Variants in NDUFA10 observed in about 807,000 individuals in gnomAD.
The protein encoded by NDUFA10 is NADH:ubiquinone oxidoreductase subunit A10, also known as NADH dehydrogenase [ubiquinone] 1 alpha subcomplex subunit 10, mitochondrial.
In NDUFA10, 40 loss-of-function variants were observed where a neutral mutation model predicts 47.8. That is an observed-to-expected ratio of 0.84 (90% CI 0.65 to 1.09). The LOEUF is 1.09. Ranked by LOEUF, NDUFA10 falls within the 50% of genes least tolerant of loss-of-function variation. NDUFA10 has a pLI of 0.00. For missense variants in NDUFA10, 413 were observed against 451.1 expected (o/e 0.92, Z 0.76); for synonymous variants, 183 against 172.2 (o/e 1.06, Z -0.49).
intron 9 of NDUFA10, among the ~76,000 whole-genome samples, chr2:239,982,872 T>G (rs753449394): frequency 3.9e-5 from 6 of 152,228 alleles, no homozygotes; most frequent in Non-Finnish European, 5.9e-5. Flanking sequence ...CCGCTCAGCA[T>G]CTGATGGAAA....
chr2:239,979,449 T>TC (rs1695679989), intron 9 of NDUFA10, among the ~76,000 whole-genome samples: 1 of 151,948 alleles, frequency 6.6e-6, no homozygotes, highest in Non-Finnish European at 1.5e-5. Flanking sequence ...AGCAGCCCGC[T>TC]CCCCACCCTG....
chr2:239,927,889 C>T (rs1486544683), intron 4 of NDUFA10, among the ~76,000 whole-genome samples: 1 of 152,186 alleles, frequency 6.6e-6, no homozygotes, highest in African/African-American at 2.4e-5. Context: ...GGCTGGTGGG[C>T]CCATCACTGT....
chr2:239,967,733 C>A (rs1056271169), intron 9 of NDUFA10, among the ~76,000 whole-genome samples: 1 of 152,166 alleles, frequency 6.6e-6, no homozygotes, highest in Non-Finnish European at 1.5e-5. Flanking sequence ...CTGAAACGTG[C>A]TGTTCTTTGA....
At chr2:240,009,978 C>T (rs1178265261) in intron 6 of NDUFA10, among the ~76,000 whole-genome samples, 3 of 152,268 alleles carry the variant, frequency 2.0e-5, no homozygotes, top group East Asian at 3.9e-4. Flanking sequence ...AAATACAACT[C>T]GTCATAGGTT....
intron 4 of NDUFA10, chr2:240,017,764 C>T: frequency 2.1e-6 from 3 of 1,459,072 alleles, no homozygotes; most frequent in African/African-American, 1.4e-5. Context: ...ACCGGCAACA[C>T]CAGGACACAC....
intron 8 of NDUFA10, among the ~76,000 whole-genome samples, chr2:239,999,664 A>G (rs956694436): frequency 2.0e-5 from 3 of 152,136 alleles, no homozygotes; most frequent in African/African-American, 7.2e-5. Context: ...TGGTTCCTTT[A>G]CGTAACTCTC....
At chr2:239,929,158 C>T (rs1694114782) in intron 4 of NDUFA10, among the ~76,000 whole-genome samples, 1 of 152,214 alleles carries the variant, frequency 6.6e-6, no homozygotes. Flanking sequence ...CGGGATGCAG[C>T]CACCCAGGCG....
chr2:239,995,477 G>A (rs1026738559), intron 8 of NDUFA10, among the ~76,000 whole-genome samples: 9 of 152,046 alleles, frequency 5.9e-5, no homozygotes, highest in African/African-American at 2.2e-4. Flanking sequence ...AGATGTTAAG[G>A]GAAAAGATAA....
chr2:239,995,066 G>T (rs192221811), intron 8 of NDUFA10, among the ~76,000 whole-genome samples: 178 of 152,288 alleles, frequency 1.2e-3, no homozygotes, highest in African/African-American at 4.1e-3. Flanking sequence ...CTTGAGATTA[G>T]GAGTTTGTGA....
chr2:240,003,101 G>A (rs1389662850), intron 8 of NDUFA10, among the ~76,000 whole-genome samples: 2 of 152,148 alleles, frequency 1.3e-5, no homozygotes, highest in Non-Finnish European at 2.9e-5. Flanking sequence ...CCTCCCACTT[G>A]AGCTTCCCAA....
downstream of NDUFA10, among the ~76,000 whole-genome samples, chr2:239,955,544 T>C (rs78698705): frequency 2.6e-3 from 400 of 152,256 alleles, 1 homozygote; most frequent in African/African-American, 9.2e-3. Flanking sequence ...AGGTGGCTCT[T>C]GGAGAGCCCA....
At chr2:239,920,669 T>G (rs1375084312) in intron 4 of NDUFA10, among the ~76,000 whole-genome samples, 3 of 152,158 alleles carry the variant, frequency 2.0e-5, no homozygotes, top group Non-Finnish European at 4.4e-5. Context: ...GAAGCAACTC[T>G]GAAGGTAAAG....
Position 239,960,196 on chromosome 2 carries a change from T to G in NDUFA10, c.*922A>C. ...GATTCCTAATGGACACAGTGGAGCT[T>G]TACAGTGGAAAACCCACAGTTCAGT... On this transcript the variant is annotated 3_prime_UTR_variant, in exon 10 of 10. Coordinates refer to ENST00000252711, the MANE Select transcript of NDUFA10 (RefSeq NM_004544.4). 1 of 982,436 alleles carries G rather than the reference T, an allele frequency of 1.0e-6. No individual in the cohort carries two copies. The highest frequency in any genetic ancestry group is 1.2e-6 in the Non-Finnish European group (1 of 829,792). The allele number at this position is 982,436 out of a possible 1,614,324, so 60.9% of individuals were successfully genotyped here.
intron 9 of NDUFA10, chr2:239,973,785 AT>A (rs1695399129): frequency 2.8e-6 from 1 of 352,968 alleles, no homozygotes; most frequent in African/African-American, 2.2e-5. Flanking sequence ...TCCTGCACAC[AT>A]TCAGTATTTT....
chr2:239,973,595 G>A (rs144489062), intron 9 of NDUFA10: 35 of 469,730 alleles, frequency 7.5e-5, no homozygotes, highest in South Asian at 4.8e-4. Flanking sequence ...AGGAGGGAAC[G>A]ATCAGCTTCA....
intron 4 of NDUFA10, among the ~76,000 whole-genome samples, chr2:239,898,919 T>A (rs112410055): frequency 0.049 from 6,033 of 122,000 alleles, 133 homozygotes; most frequent in South Asian, 0.079. Context: ...TGATGGAAGG[T>A]TGTGATGGAG....
intron 6 of NDUFA10, among the ~76,000 whole-genome samples, chr2:240,008,759 G>A (rs756483432): frequency 1.3e-5 from 2 of 152,226 alleles, no homozygotes; most frequent in Non-Finnish European, 2.9e-5. Context: ...GCTGTGTGGG[G>A]TATGGAAGGT....
At chr2:239,979,970 C>T (rs1486203121) in intron 9 of NDUFA10, among the ~76,000 whole-genome samples, 1 of 152,018 alleles carries the variant, frequency 6.6e-6, no homozygotes, top group African/African-American at 2.4e-5. Flanking sequence ...GGGGTGCCTG[C>T]TCCCCTACAC....
chr2:239,959,168 A>C lies in NDUFA10; in HGVS notation c.*1950T>G, dbSNP rs1489976851. 1 of 985,356 alleles carries C rather than the reference A, an allele frequency of 1.0e-6. No homozygotes were observed. The highest frequency in any genetic ancestry group is 1.2e-6 in the Non-Finnish European group (1 of 829,942). 61.0% of individuals were successfully genotyped at this position (985,356 alleles called of 1,614,324 possible). ...CAAATTACATACTTCCCACTCCATC[A>C]AGGGAATGCAACCACACAGGGTCAG... On this transcript the variant is annotated 3_prime_UTR_variant, in exon 10 of 10. Coordinates refer to ENST00000252711, the MANE Select transcript of NDUFA10 (RefSeq NM_004544.4).
Sources: allele counts gnomAD v4.1 joint callset (sites outside exome capture counted in the v4.1 genomes callset), GRCh38; gene constraint gnomAD v4.1.1; transcripts MANE v1.5; gene names NCBI Gene and HGNC (gene_info 2026-07-23, HGNC 2026-07-21).